AFF3: variants seen among roughly 807,000 people sequenced by gnomAD.
The protein encoded by AFF3 is ALF transcription elongation factor 3.
Under a neutral mutation model 129.7 loss-of-function variants are expected in AFF3, and 32 were observed. The observed-to-expected ratio is 0.25, with a 90% CI of 0.19 to 0.33. AFF3 has a LOEUF of 0.33. Ranked by LOEUF, AFF3 falls within the 10% of genes least tolerant of loss-of-function variation. AFF3 has a pLI of 1.00. For missense variants in AFF3, 1,373 were observed against 1,592.0 expected (o/e 0.86, Z 2.34); for synonymous variants, 644 against 635.4 (o/e 1.01, Z -0.20).
chr2:99,855,960 C>A (rs1690493909), intron 7 of AFF3, among the ~76,000 whole-genome samples: 1 of 152,028 alleles, frequency 6.6e-6, no homozygotes, highest in South Asian at 2.1e-4. Context: ...ACTCATAATC[C>A]CAGTCTAAAC....
chr2:100,082,783 C>T (rs1200835673), intron 4 of AFF3, among the ~76,000 whole-genome samples: 1 of 152,120 alleles, frequency 6.6e-6, no homozygotes, highest in African/African-American at 2.4e-5. Flanking sequence ...ATATGCATTC[C>T]TATAAAATGG....
At chr2:99,803,963 T>C (rs1054710440) in intron 8 of AFF3, among the ~76,000 whole-genome samples, 13 of 151,972 alleles carry the variant, frequency 8.6e-5, no homozygotes, top group African/African-American at 3.1e-4. Context: ...ATCTAAGAAC[T>C]GAAACCAGAA....
At chr2:99,928,426 C>A (rs1696431142) in intron 7 of AFF3, among the ~76,000 whole-genome samples, 1 of 152,174 alleles carries the variant, frequency 6.6e-6, no homozygotes, top group South Asian at 2.1e-4. Flanking sequence ...TTTGTCCTCA[C>A]AGACAACTAC....
intron 12 of AFF3, among the ~76,000 whole-genome samples, chr2:99,669,949 C>T (rs1022541426): frequency 1.3e-5 from 2 of 152,194 alleles, no homozygotes; most frequent in Non-Finnish European, 2.9e-5. Context: ...AAACTCCGTA[C>T]ACACACAAAA....
At chr2:99,848,725 G>A (rs890177830) in intron 7 of AFF3, among the ~76,000 whole-genome samples, 1 of 152,118 alleles carries the variant, frequency 6.6e-6, no homozygotes, top group African/African-American at 2.4e-5. Flanking sequence ...AATTGTCATG[G>A]TTATTTTCTA....
intron 10 of AFF3, among the ~76,000 whole-genome samples, chr2:99,733,919 A>G (rs939046092): frequency 6.6e-6 from 1 of 152,184 alleles, no homozygotes; most frequent in Non-Finnish European, 1.5e-5. Context: ...CCTTTGATCT[A>G]TTGTATAAAT....
At chr2:99,713,248 T>G (rs557933625) in intron 11 of AFF3, among the ~76,000 whole-genome samples, 11 of 151,092 alleles carry the variant, frequency 7.3e-5, no homozygotes, top group Middle Eastern at 3.4e-3. Flanking sequence ...TTTTATGTTA[T>G]GTGTATTCTG....
intron 4 of AFF3, among the ~76,000 whole-genome samples, chr2:100,024,705 A>C (rs1356080756): frequency 6.6e-6 from 1 of 152,034 alleles, no homozygotes; most frequent in Non-Finnish European, 1.5e-5. Context: ...AAATTATAGC[A>C]CTTCGTACAA....
intron 8 of AFF3, among the ~76,000 whole-genome samples, chr2:99,792,785 G>A (rs963053094): frequency 3.9e-5 from 6 of 151,918 alleles, no homozygotes; most frequent in Admixed American, 2.0e-4. Flanking sequence ...ATTTTTGTAC[G>A]TTAAACCTTC....
chr2:100,035,382 A>C (rs1215139606), intron 4 of AFF3, among the ~76,000 whole-genome samples: 1 of 152,220 alleles, frequency 6.6e-6, no homozygotes, highest in Non-Finnish European at 1.5e-5. Flanking sequence ...CCAAGGGTGA[A>C]TAGATCACAT....
intron 8 of AFF3, among the ~76,000 whole-genome samples, chr2:99,796,525 T>A (rs1308876220): frequency 6.6e-6 from 1 of 152,196 alleles, no homozygotes; most frequent in Non-Finnish European, 1.5e-5. Context: ...CCCAGCTTAC[T>A]GCACTAAGAA....
intron 8 of AFF3, among the ~76,000 whole-genome samples, chr2:99,822,267 G>C (rs2105692675): frequency 8.0e-6 from 1 of 125,298 alleles, no homozygotes; most frequent in East Asian, 2.6e-4. Flanking sequence ...AGAGGTCCAA[G>C]ACACATCTTT....
intron 9 of AFF3, among the ~76,000 whole-genome samples, chr2:99,745,887 T>A (rs1681113716): frequency 6.6e-6 from 1 of 152,144 alleles, no homozygotes; most frequent in African/African-American, 2.4e-5. Flanking sequence ...GTAAACCACA[T>A]ACCATATGTT....
intron 7 of AFF3, among the ~76,000 whole-genome samples, chr2:99,885,954 A>G (rs1693080745): frequency 6.6e-6 from 1 of 152,190 alleles, no homozygotes; most frequent in Non-Finnish European, 1.5e-5. Flanking sequence ...GTTTCATCAC[A>G]TACTGTCTGG....
intron 13 of AFF3, among the ~76,000 whole-genome samples, chr2:99,603,695 A>G (rs972433405): frequency 2.6e-5 from 4 of 152,208 alleles, no homozygotes; most frequent in Non-Finnish European, 2.9e-5. Context: ...TAAACAGACA[A>G]CCTAAAGAAT....
intron 7 of AFF3, among the ~76,000 whole-genome samples, chr2:99,966,514 C>A (rs926227717): frequency 2.3e-4 from 35 of 150,336 alleles, no homozygotes; most frequent in African/African-American, 8.3e-4. Flanking sequence ...AACGGTGAAA[C>A]CCCGTCTCTA....
intron 7 of AFF3, among the ~76,000 whole-genome samples, chr2:99,960,882 C>A (rs1027002129): frequency 6.6e-6 from 1 of 152,316 alleles, no homozygotes; most frequent in East Asian, 1.9e-4. Flanking sequence ...ACTTGCCAAC[C>A]CCCATGATGT....
At chr2:99,938,542 T>C (rs185269195) in intron 7 of AFF3, among the ~76,000 whole-genome samples, 10 of 152,332 alleles carry the variant, frequency 6.6e-5, no homozygotes, top group Admixed American at 1.3e-4. Flanking sequence ...TAGTCATTTC[T>C]GTGAAGGCAT....
chr2:99,966,744 A>C (rs1201376160), intron 7 of AFF3, among the ~76,000 whole-genome samples: 1 of 149,040 alleles, frequency 6.7e-6, no homozygotes, highest in Non-Finnish European at 1.5e-5. Context: ...ATGACAGAGG[A>C]TATAATCAGT....
Sources: allele counts gnomAD v4.1 joint callset (sites outside exome capture counted in the v4.1 genomes callset), GRCh38; gene constraint gnomAD v4.1.1; transcripts MANE v1.5; gene names NCBI Gene and HGNC (gene_info 2026-07-23, HGNC 2026-07-21).